TMTC3: variants seen among roughly 807,000 people sequenced by gnomAD.
TMTC3 encodes the protein protein O-mannosyl-transferase TMTC3.
Under a neutral mutation model 92.2 loss-of-function variants are expected in TMTC3, and 52 were observed. The ratio of observed to expected loss-of-function variants is 0.56; its 90% CI spans 0.45 to 0.71. The LOEUF (loss-of-function observed/expected upper bound fraction) is 0.71. Ranked by LOEUF, TMTC3 falls within the 30% of genes least tolerant of loss-of-function variation. The pLI is 0.00. For synonymous variants in TMTC3, 339 were observed against 363.3 expected (o/e 0.93, Z 0.76); for missense variants, 896 against 1,057.1 (o/e 0.85, Z 2.11).
At chr12:88,191,710 C>CTGTTTGTTTGTTTGTT (rs34463654) in intron 12 of TMTC3, among the ~76,000 whole-genome samples, 22 of 151,522 alleles carry the variant, frequency 1.5e-4, no homozygotes, top group African/African-American at 4.9e-4. Flanking sequence ...AGTCCTTTTT[C>CTGTTTGTTTGTTTGTT]TGTTTGTTTG....
chr12:88,176,270 C>A lies in TMTC3; in HGVS notation c.1383C>A (p.Asn461Lys). ...GTCATGCTCTGGAAAATGAAAAGAA[C>A]TTTGAGAGAGCTTTGAAATACTTCT... ...NVGHALENEK[N>K]FERALKYFLQ... The change falls in exon 10 of 14, where the codon AAC becomes AAA. Residue 461 changes from asparagine (N) to lysine (K), a missense_variant. Asn to Lys is a moderately conservative substitution (Grantham distance 94). Coordinates refer to ENST00000266712, the MANE Select transcript of TMTC3 (RefSeq NM_181783.4). The A allele has an allele frequency of 6.2e-7, 1 of 1,611,718 alleles. No individual in the cohort carries two copies. Among genetic ancestry groups the A allele is most frequent in the Non-Finnish European group, 8.5e-7 (1 of 1,178,848 alleles).
intron 2 of TMTC3, among the ~76,000 whole-genome samples, chr12:88,150,049 ATTC>A (rs1565942495): frequency 1.3e-5 from 2 of 152,148 alleles, no homozygotes; most frequent in African/African-American, 2.4e-5. Context: ...AGATTAGGCT[ATTC>A]TTGTATTGCT....
At position 88,188,892 on chromosome 12, in the gene TMTC3, T is replaced by C. The variant is rs2041408469; in HGVS notation, c.1482T>C (p.Asn494=). The change falls in exon 11 of 14, where the codon AAT becomes AAC. Residue 494 remains asparagine, a synonymous_variant. Coordinates refer to ENST00000266712, the MANE Select transcript of TMTC3 (RefSeq NM_181783.4). ...MNVGRTYKNL[N]RTKEAEESYM... is the part of the protein sequence containing the mutation. ...TAGGAAGAACTTATAAAAATTTAAATAGAACCAAAGAAGCTGAAGAATCTT... is the reference window on the plus strand; with the variant it reads ...TAGGAAGAACTTATAAAAATTTAAACAGAACCAAAGAAGCTGAAGAATCTT... 1.3e-6 allele frequency: 2 copies of C among 1,597,662 alleles called. No individual in the cohort carries two copies. Among genetic ancestry groups the C allele is most frequent in the African/African-American group, 1.4e-5 (1 of 73,912 alleles).
intron 8 of TMTC3, among the ~76,000 whole-genome samples, chr12:88,173,363 TGAAAAA>T (rs1233731754): frequency 1.3e-5 from 2 of 152,058 alleles, no homozygotes; most frequent in Admixed American, 6.6e-5. Flanking sequence ...GTTTGCAACT[TGAAAAA>T]GAAATAGTCA....
In TMTC3 at chr12:88,195,072, C is replaced by T; in HGVS notation, c.2168C>T (p.Pro723Leu). ...ACTGCAAAGGAATTAAAGGCTTTGC[C>T]AATTTTGGAGGAGTTACTCAGATAC... is the stretch of plus-strand genomic sequence containing the variant. ...SQTAKELKALPILEELLRYYP... is the reference protein window; with the variant it reads ...SQTAKELKALLILEELLRYYP... The change falls in exon 14 of 14, where the codon CCA becomes CTA. Residue 723 changes from proline (P) to leucine (L), a missense_variant. Coordinates refer to ENST00000266712, the MANE Select transcript of TMTC3 (RefSeq NM_181783.4). 1 of 1,613,694 alleles carries T rather than the reference C, an allele frequency of 6.2e-7. No individual in the cohort carries two copies. Among genetic ancestry groups the T allele is most frequent in the Non-Finnish European group, 8.5e-7 (1 of 1,179,880 alleles).
At position 88,190,316 on chromosome 12, in the gene TMTC3, G is replaced by A. The variant is rs1684216523; in HGVS notation, c.1537-137G>A. Reference sequence around the variant, plus strand: ...TATCTTAGGTTTAGTCAAAACAGGAGTAGAACCCTGATCTCTCAGTCCAGT... The same window carrying A: ...TATCTTAGGTTTAGTCAAAACAGGAATAGAACCCTGATCTCTCAGTCCAGT... On this transcript the variant is annotated intron_variant, in intron 11 of 13. Coordinates refer to ENST00000266712, the MANE Select transcript of TMTC3 (RefSeq NM_181783.4). The A allele has an allele frequency of 7.3e-6, 5 of 682,232 alleles. No individual in the cohort carries two copies. In the South Asian group the frequency reaches 1.4e-4, roughly 19 times the overall value. The allele number at this position is 682,232 out of a possible 1,614,324, so 42.3% of individuals were successfully genotyped here.
intron 6 of TMTC3, among the ~76,000 whole-genome samples, chr12:88,162,222 C>T (rs2041088498): frequency 6.6e-6 from 1 of 152,028 alleles, no homozygotes; most frequent in South Asian, 2.1e-4. Flanking sequence ...TCTCTTTATG[C>T]TAATGTATGT....
intron 12 of TMTC3, 47 bp from the exon 13 acceptor site, chr12:88,192,557 T>G: frequency 9.7e-6 from 14 of 1,442,914 alleles, no homozygotes; most frequent in Middle Eastern, 2.1e-4. Context: ...ATCTACAAAC[T>G]GAGATGGTAA....
chr12:88,196,264 TG>T lies in TMTC3; in HGVS notation c.*616del, dbSNP rs1206306035. On this transcript the variant is annotated 3_prime_UTR_variant, in exon 14 of 14. Transcript: ENST00000266712. ...TTGTATACTTGTTTTTAACTTTAAATGTAATTTTTAATCAGGTAAAGTTTGA... is the reference window on the plus strand; with the variant it reads ...TTGTATACTTGTTTTTAACTTTAAATTAATTTTTAATCAGGTAAAGTTTGA... 5 of 152,510 alleles carry T rather than the reference TG, an allele frequency of 3.3e-5. No homozygotes were observed. Among genetic ancestry groups the T allele is most frequent in the African/African-American group, 1.2e-4 (5 of 41,446 alleles). The allele number at this position is 152,510 out of a possible 1,614,324, so 9.4% of individuals were successfully genotyped here.
At chr12:88,182,818 C>T (rs1270715005) in intron 10 of TMTC3, among the ~76,000 whole-genome samples, 2 of 152,176 alleles carry the variant, frequency 1.3e-5, no homozygotes, top group African/African-American at 4.8e-5. Context: ...CCAATGAAAT[C>T]AGTGAGCTGG....
intron 10 of TMTC3, among the ~76,000 whole-genome samples, chr12:88,182,157 T>C (rs1321302351): frequency 6.6e-6 from 1 of 152,226 alleles, no homozygotes; most frequent in Non-Finnish European, 1.5e-5. Context: ...TATAGGGAGA[T>C]AGTGTTTTAG....
intron 1 of TMTC3, among the ~76,000 whole-genome samples, chr12:88,147,653 TTAA>T (rs1316877645): frequency 6.6e-6 from 1 of 152,176 alleles, no homozygotes; most frequent in Non-Finnish European, 1.5e-5. Flanking sequence ...CTTAGGTTTA[TTAA>T]TATAGAATTT....
At chr12:88,163,019 G>A (rs938662265) in intron 6 of TMTC3, among the ~76,000 whole-genome samples, 3 of 151,592 alleles carry the variant, frequency 2.0e-5, no homozygotes, top group South Asian at 2.1e-4. Context: ...AGGTTTAAAC[G>A]ATTCTCCTGC....
intron 1 of TMTC3, among the ~76,000 whole-genome samples, chr12:88,144,163 C>A (rs2040841974): frequency 6.6e-6 from 1 of 152,044 alleles, no homozygotes; most frequent in South Asian, 2.1e-4. Context: ...TATCTTGTGC[C>A]CACCTCCTAT....
At chr12:88,177,941 A>T (rs1456622482) in intron 10 of TMTC3, among the ~76,000 whole-genome samples, 1 of 152,212 alleles carries the variant, frequency 6.6e-6, no homozygotes, top group Admixed American at 6.5e-5. Context: ...ATTTTGACAA[A>T]AGTAATGTTA....
At chr12:88,159,833 T>C (rs1296709136) in intron 4 of TMTC3, among the ~76,000 whole-genome samples, 1 of 152,172 alleles carries the variant, frequency 6.6e-6, no homozygotes, top group Non-Finnish European at 1.5e-5. Flanking sequence ...TGTAAATTTC[T>C]CTTCTCCAAA....
intron 9 of TMTC3, 117 bp from the exon 10 acceptor site, chr12:88,176,091 C>A: frequency 1.5e-6 from 1 of 685,218 alleles, no homozygotes. Flanking sequence ...CCTGTGTCAT[C>A]CCCAGAGACA....
intron 1 of TMTC3, among the ~76,000 whole-genome samples, chr12:88,143,862 CAA>C (rs2040830685): frequency 6.6e-6 from 1 of 152,052 alleles, no homozygotes; most frequent in African/African-American, 2.4e-5. Flanking sequence ...ATATGCTAAA[CAA>C]GGGGTGGGTT....
intron 10 of TMTC3, among the ~76,000 whole-genome samples, chr12:88,185,871 C>A (rs1419198958): frequency 6.6e-6 from 1 of 151,932 alleles, no homozygotes; most frequent in Non-Finnish European, 1.5e-5. Context: ...GTTAAAACAA[C>A]CTTGCCTTCA....
Sources: gnomAD v4.1 joint callset for allele counts (sites outside exome capture counted in the v4.1 genomes callset) on GRCh38, gnomAD v4.1.1 for gene constraint, MANE v1.5 for transcripts, NCBI Gene and HGNC (gene_info 2026-07-23, HGNC 2026-07-21) for gene names.